RARB: variants seen among roughly 807,000 people sequenced by gnomAD.
The protein encoded by RARB is retinoic acid receptor beta.
A neutral mutation model predicts 51.9 loss-of-function variants in RARB; 17 were observed. That is an observed-to-expected ratio of 0.33 (90% CI 0.22 to 0.49). The LOEUF is 0.49. Ranked by LOEUF, RARB falls within the 20% of genes least tolerant of loss-of-function variation. RARB has a pLI of 0.99. For missense variants in RARB, 369 were observed against 550.8 expected, an observed-to-expected ratio of 0.67 and a Z score of 3.30; for synonymous variants, 215 against 195.4, an observed-to-expected ratio of 1.10 and a Z score of -0.84.
At chr3:25,026,554 G>A (rs1000263760) in intron 2 of RARB, among the ~76,000 whole-genome samples, 2 of 152,096 alleles carry the variant, frequency 1.3e-5, no homozygotes, top group African/African-American at 4.8e-5. Context: ...CAGTCAGATT[G>A]GATTAGGGTC....
intron 2 of RARB, among the ~76,000 whole-genome samples, chr3:25,475,250 G>T (rs567794705): frequency 6.6e-6 from 1 of 152,180 alleles, no homozygotes; most frequent in African/African-American, 2.4e-5. Flanking sequence ...TTTCTTATGA[G>T]CTCTGGGCCT....
intron 2 of RARB, among the ~76,000 whole-genome samples, chr3:24,867,621 T>C (rs936201923): frequency 6.6e-6 from 1 of 152,098 alleles, no homozygotes; most frequent in Non-Finnish European, 1.5e-5. Flanking sequence ...TTTGGTCTCA[T>C]GGGAAGCAAA....
At chr3:25,122,314 T>G (rs759457052) in intron 3 of RARB, among the ~76,000 whole-genome samples, 1 of 151,984 alleles carries the variant, frequency 6.6e-6, no homozygotes, top group Non-Finnish European at 1.5e-5. Context: ...TGCAAATATT[T>G]CTCTCAATTT....
intron 4 of RARB, among the ~76,000 whole-genome samples, chr3:25,141,826 A>C (rs1282233334): frequency 6.6e-6 from 1 of 152,248 alleles, no homozygotes; most frequent in African/African-American, 2.4e-5. Context: ...TAATATATGA[A>C]GTATCTCCCT....
intron 3 of RARB, among the ~76,000 whole-genome samples, chr3:25,121,705 T>G (rs1338308788): frequency 6.6e-6 from 1 of 152,138 alleles, no homozygotes; most frequent in African/African-American, 2.4e-5. Context: ...ACATAGGAGG[T>G]GTTTAGTAAA....
intron 2 of RARB, among the ~76,000 whole-genome samples, chr3:24,962,823 A>G (rs1696171124): frequency 6.6e-6 from 1 of 152,196 alleles, no homozygotes; most frequent in African/African-American, 2.4e-5. Context: ...ATCATGTGTC[A>G]CACACCCTTT....
intron 2 of RARB, among the ~76,000 whole-genome samples, chr3:25,029,015 G>A (rs893840173): frequency 2.0e-5 from 3 of 152,174 alleles, no homozygotes; most frequent in Admixed American, 2.0e-4. Context: ...GCTAGGGATG[G>A]GAGTATTCCT....
chr3:25,428,221 A>G, upstream of RARB: 1 of 1,229,822 alleles, frequency 8.1e-7, no homozygotes. Flanking sequence ...GTTCACCGAA[A>G]GTTCACTCGC....
At chr3:24,981,508 C>G (rs1696672485) in intron 2 of RARB, among the ~76,000 whole-genome samples, 1 of 152,264 alleles carries the variant, frequency 6.6e-6, no homozygotes, top group Admixed American at 6.5e-5. Context: ...CCCCTCCCCC[C>G]ACCACACTTC....
chr3:25,326,629 G>C (rs1349870254), intron 5 of RARB, among the ~76,000 whole-genome samples: 1 of 152,074 alleles, frequency 6.6e-6, no homozygotes, highest in Non-Finnish European at 1.5e-5. Context: ...TTACCTTGGT[G>C]GTTTCATCAT....
At chr3:25,457,150 A>T (rs2125550054) in intron 1 of RARB, among the ~76,000 whole-genome samples, 1 of 152,284 alleles carries the variant, frequency 6.6e-6, no homozygotes, top group Non-Finnish European at 1.5e-5. Flanking sequence ...CTGGCATAAT[A>T]GATCTGGGAT....
chr3:25,484,890 C>T (rs1696385955), intron 2 of RARB, among the ~76,000 whole-genome samples: 1 of 152,004 alleles, frequency 6.6e-6, no homozygotes, highest in African/African-American at 2.4e-5. Context: ...TGCTGGAGTA[C>T]AACTGGGTTT....
intron 5 of RARB, among the ~76,000 whole-genome samples, chr3:25,209,132 T>A (rs115679748): frequency 6.6e-6 from 1 of 152,232 alleles, no homozygotes; most frequent in South Asian, 2.1e-4. Context: ...GACCACAGTT[T>A]AGTCAAAACT....
chr3:24,900,106 A>C (rs1703570266), intron 2 of RARB, among the ~76,000 whole-genome samples: 1 of 152,224 alleles, frequency 6.6e-6, no homozygotes, highest in Non-Finnish European at 1.5e-5. Context: ...GTGGTTTGCC[A>C]GGGCAGCAAT....
chr3:25,272,221 T>C (rs1221225563), intron 5 of RARB, among the ~76,000 whole-genome samples: 1 of 152,202 alleles, frequency 6.6e-6, no homozygotes. Context: ...TCATCTCCGG[T>C]TGTGTACTGT....
chr3:24,833,935 G>A (rs9809784), intron 1 of RARB, among the ~76,000 whole-genome samples: 82,977 of 152,068 alleles, frequency 0.55, 23,516 homozygotes, highest in African/African-American at 0.69. Flanking sequence ...TGTCCAGGCC[G>A]ATATCACCTT....
In RARB at chr3:25,253,520, G is replaced by A. The variant is rs187766411; in HGVS notation, c.178+78945G>A. ...AGCAGCAAACCACTTTATGCACTAG[G>A]AGGGTCCCCAGACATAATTTATATA... On this transcript the variant is annotated intron_variant, in intron 5 of 11. Transcript: ENST00000383772. 2.3e-4 allele frequency among the ~76,000 whole-genome samples: 35 copies of A among 152,270 alleles called. No individual in the cohort carries two copies. In the East Asian group the frequency reaches 6.6e-3, roughly 29 times the overall value.
chr3:25,038,367 C>G (rs1379836865), intron 2 of RARB, among the ~76,000 whole-genome samples: 1 of 138,728 alleles, frequency 7.2e-6, no homozygotes, highest in African/African-American at 2.7e-5. Flanking sequence ...AATGGATAAA[C>G]TGGGAGGAGC....
At chr3:24,854,309 T>C (rs891101110) in intron 1 of RARB, among the ~76,000 whole-genome samples, 1 of 152,304 alleles carries the variant, frequency 6.6e-6, no homozygotes, top group South Asian at 2.1e-4. Context: ...TTTCTCAATG[T>C]GTAATCCAAG....
Sources: allele counts gnomAD v4.1 joint callset (sites outside exome capture counted in the v4.1 genomes callset), GRCh38; gene constraint gnomAD v4.1.1; transcripts MANE v1.5; gene names NCBI Gene and HGNC (gene_info 2026-07-23, HGNC 2026-07-21).